The following FRMD8 variants were observed in gnomAD, a reference collection of about 807,000 sequenced individuals.
The protein encoded by FRMD8 is FERM domain-containing protein 8.
In FRMD8, 37 loss-of-function variants were observed where a neutral mutation model predicts 54.2. That is an observed-to-expected ratio of 0.68 (90% CI 0.53 to 0.90). The LOEUF is 0.90. FRMD8 is among the 40% of genes least tolerant of loss of function. FRMD8 has a pLI of 0.00. For missense variants in FRMD8, 585 were observed against 653.7 expected (o/e 0.89, Z 1.15); for synonymous variants, 246 against 286.9 (o/e 0.86, Z 1.44).
intron 6 of FRMD8, among the ~76,000 whole-genome samples, chr11:65,395,146 C>T (rs1855926285): frequency 6.6e-6 from 1 of 152,048 alleles, no homozygotes; most frequent in African/African-American, 2.4e-5. Context: ...GTTTGGGAGG[C>T]TGAGGCAGGA....
chr11:65,374,360 A>ATGTGCCCAGGTGGAGC, the FRMD8 span, among the ~76,000 whole-genome samples: 5 of 152,016 alleles, frequency 3.3e-5, no homozygotes, highest in Non-Finnish European at 4.4e-5. Flanking sequence ...CAGGGTAGCT[A>ATGTGCCCAGGTGGAGC]AGTAACTGGA....
At chr11:65,379,193 C>A in the FRMD8 span, 12 of 667,800 alleles carry the variant, frequency 1.8e-5, no homozygotes, top group Admixed American at 2.1e-4. Flanking sequence ...CCTTTTGCCC[C>A]CTCTGTTCCC....
upstream of FRMD8, chr11:65,382,019 C>T (rs1855593148): frequency 2.2e-6 from 3 of 1,349,836 alleles, no homozygotes; most frequent in East Asian, 2.3e-5. The surrounding 1 kb of genome is among the most constrained non-coding windows in gnomAD (Gnocchi z 4.4). Flanking sequence ...CTCTCCCTCC[C>T]CTGGCCCACG....
At chr11:65,399,588 C>G (rs1051065567) in intron 7 of FRMD8, 148 bp from the exon 8 acceptor site, 54 of 941,558 alleles carry the variant, frequency 5.7e-5, no homozygotes, top group Non-Finnish European at 8.3e-5. Context: ...GAAGCCTCCC[C>G]TTCATCCCAC....
At chr11:65,399,655 C>T (rs1856027423) in intron 7 of FRMD8, 81 bp from the exon 8 acceptor site, 1 of 1,544,320 alleles carries the variant, frequency 6.5e-7, no homozygotes, top group Non-Finnish European at 8.8e-7. Context: ...AGAAGTTCCT[C>T]AGAGCCCAGG....
chr11:65,397,420 A>G lies in FRMD8; in HGVS notation c.803+400A>G, dbSNP rs191325663. Among the ~76,000 whole-genome samples, 5 of 152,326 alleles carry G rather than the reference A, an allele frequency of 3.3e-5. No homozygotes were observed. The East Asian group carries it at 9.6e-4, about 29-fold the overall frequency. On this transcript the variant is annotated intron_variant, in intron 7 of 10. Transcript: ENST00000317568. ...CCCTGCCTGATGAAGCTGATGTTCTAGTGGAGAGAGACGAGAACACAGAGG... is the reference window on the plus strand; with the variant it reads ...CCCTGCCTGATGAAGCTGATGTTCTGGTGGAGAGAGACGAGAACACAGAGG...
At chr11:65,379,713 C>G in the FRMD8 span, 3 of 1,257,916 alleles carry the variant, frequency 2.4e-6, no homozygotes, top group Non-Finnish European at 3.3e-6. Flanking sequence ...GGCTGCGCCT[C>G]TGGGGTGCTA....
chr11:65,368,514 A>G, the FRMD8 span, among the ~76,000 whole-genome samples: 1 of 150,414 alleles, frequency 6.6e-6, no homozygotes, highest in Non-Finnish European at 1.5e-5. Context: ...CCCAGCCAAC[A>G]ACTATTTACT....
At chr11:65,402,331 G>C (rs1248962103) in intron 9 of FRMD8, among the ~76,000 whole-genome samples, 4 of 151,356 alleles carry the variant, frequency 2.6e-5, no homozygotes. Context: ...TCCAGCCTAG[G>C]CAACAGAGTG....
At chr11:65,410,814 C>CA (rs1467476205) in intron 10 of FRMD8, among the ~76,000 whole-genome samples, 7 of 151,714 alleles carry the variant, frequency 4.6e-5, no homozygotes, top group African/African-American at 2.4e-5. Context: ...AAAACAAACC[C>CA]AAAAAAAACC....
intron 3 of FRMD8, among the ~76,000 whole-genome samples, chr11:65,393,343 C>T (rs540085421): frequency 6.6e-5 from 10 of 152,358 alleles, no homozygotes; most frequent in East Asian, 1.9e-4. Context: ...GCCAGACCCC[C>T]GTCGCTTGCT....
chr11:65,373,720 C>T, the FRMD8 span, among the ~76,000 whole-genome samples: 1 of 152,258 alleles, frequency 6.6e-6, no homozygotes, highest in East Asian at 1.9e-4. Flanking sequence ...CCAAGCAGCT[C>T]TGTCTACAGG....
chr11:65,386,957 G>A (rs1590644759), intron 1 of FRMD8, 80 bp from the exon 2 acceptor site: 4 of 1,254,000 alleles, frequency 3.2e-6, no homozygotes, highest in Non-Finnish European at 4.5e-6. Flanking sequence ...ATCCCTTACC[G>A]TACTCACCGA....
chr11:65,368,990 G>C, the FRMD8 span, among the ~76,000 whole-genome samples: 292 of 152,228 alleles, frequency 1.9e-3, 3 homozygotes, highest in Middle Eastern at 6.8e-3. Context: ...AATGATGAAG[G>C]GGGACAGTGT....
intron 8 of FRMD8, 42 bp downstream of exon 8, chr11:65,399,901 G>A (rs1856036649): frequency 6.3e-7 from 1 of 1,583,448 alleles, no homozygotes; most frequent in Non-Finnish European, 8.6e-7. Flanking sequence ...GATGGGAGGG[G>A]GCTCCTGACT....
At chr11:65,380,520 A>G in the FRMD8 span, 1 of 1,384,384 alleles carries the variant, frequency 7.2e-7, no homozygotes. Context: ...TGGGAGAATC[A>G]CCCAGGTTCC....
At chr11:65,393,833 A>G in intron 4 of FRMD8, 159 bp downstream of exon 4, 1 of 794,520 alleles carries the variant, frequency 1.3e-6, no homozygotes, top group Non-Finnish European at 2.0e-6. Flanking sequence ...GCAGGGGAGG[A>G]AGGGGTCCCT....
At chr11:65,384,565 T>G (rs1255026286), upstream of FRMD8, among the ~76,000 whole-genome samples, 1 of 152,154 alleles carries the variant, frequency 6.6e-6, no homozygotes, top group Non-Finnish European at 1.5e-5. Flanking sequence ...CTAATACTTA[T>G]TTCCACTCTC....
chr11:65,394,057 G>A lies in FRMD8; in HGVS notation c.372G>A (p.Gln124=). 1 of 1,614,182 alleles carries A rather than the reference G, an allele frequency of 6.2e-7. No homozygotes were observed. The highest frequency in any genetic ancestry group is 8.5e-7 in the Non-Finnish European group (1 of 1,179,996). The change falls in exon 5 of 11, where the codon CAG becomes CAA. Residue 124 remains glutamine, a synonymous_variant. Transcript: ENST00000317568. ...DDVAMDEPFL[Q]FRRNVFFPKR... ...TCTCCCCAGATGAGCCTTTCCTGCA[G>A]TTCCGAAGGAACGTGTTCTTCCCAA...
Sources: allele counts gnomAD v4.1 joint callset (sites outside exome capture counted in the v4.1 genomes callset), GRCh38; gene constraint gnomAD v4.1.1; non-coding constraint Gnocchi (gnomAD v3.1); transcripts MANE v1.5; gene names NCBI Gene and HGNC (gene_info 2026-07-23, HGNC 2026-07-21).